The following ITPR3 variants were observed in gnomAD, a reference collection of about 807,000 sequenced individuals.
ITPR3 encodes inositol 1,4,5-trisphosphate receptor type 3, also known as inositol 1,4,5-trisphosphate-gated calcium channel ITPR3.
A neutral mutation model predicts 293.2 loss-of-function variants in ITPR3; 173 were observed. The ratio of observed to expected loss-of-function variants is 0.59; its 90% CI spans 0.52 to 0.67. The LOEUF is 0.67. ITPR3 is among the 30% of genes least tolerant of loss of function. The pLI, the probability that ITPR3 is intolerant of heterozygous loss-of-function variation, is 0.00. For missense variants in ITPR3, 2,796 were observed against 3,592.1 expected, an observed-to-expected ratio of 0.78 and a Z score of 5.66; for synonymous variants, 1,295 against 1,444.4, an observed-to-expected ratio of 0.90 and a Z score of 2.35.
intron 20 of ITPR3, 130 bp from the exon 21 acceptor site, chr6:33,671,035 C>G (rs1764747068): frequency 6.8e-7 from 1 of 1,468,988 alleles, no homozygotes; most frequent in Non-Finnish European, 9.2e-7. Context: ...GCTCCGCTCT[C>G]CCTCCTGGGA....
chr6:33,695,339 C>T (rs376613540), intron 57 of ITPR3: 1 of 566,850 alleles, frequency 1.8e-6, no homozygotes. Flanking sequence ...GTCTCTCATC[C>T]CCTTCCTCTG....
chr6:33,686,066 G>A lies in ITPR3; in HGVS notation c.5681G>A (p.Cys1894Tyr). The change falls in exon 42 of 58, where the codon TGT (cysteine) becomes TAT (tyrosine). Residue 1894 changes from cysteine (C) to tyrosine (Y), a missense_variant. Physicochemically the swap from Cys to Tyr is radical, Grantham distance 194. This residue lies in a region of ITPR3 where 704 missense variants were observed against 797.5 expected (regional missense o/e 0.88). Coordinates refer to ENST00000605930, the MANE Select transcript of ITPR3 (RefSeq NM_002224.4). ...TGTGCCCCGCAGAACTTCCTGCGCTGTCAGAACAACAAAACCAACTACAAC... is the reference window on the plus strand; with the variant it reads ...TGTGCCCCGCAGAACTTCCTGCGCTATCAGAACAACAAAACCAACTACAAC... ...HNRDLQNFLRCQNNKTNYNLV... is the reference protein window; with the variant it reads ...HNRDLQNFLRYQNNKTNYNLV... 1 of 1,614,104 alleles carries A rather than the reference G, an allele frequency of 6.2e-7. No individual in the cohort carries two copies. The highest frequency in any genetic ancestry group is 8.5e-7 in the Non-Finnish European group (1 of 1,180,046).
intron 7 of ITPR3, among the ~76,000 whole-genome samples, chr6:33,660,891 A>T (rs1383484746): frequency 6.6e-6 from 1 of 152,154 alleles, no homozygotes; most frequent in Non-Finnish European, 1.5e-5. Flanking sequence ...ATTGCACCAC[A>T]CTGCACTCCA....
At chr6:33,623,042 A>T (rs1372964106) in intron 1 of ITPR3, among the ~76,000 whole-genome samples, 1 of 152,156 alleles carries the variant, frequency 6.6e-6, no homozygotes, top group Non-Finnish European at 1.5e-5. Flanking sequence ...GGGTGGAGCC[A>T]CATCTGGGCC....
Position 33,690,151 on chromosome 6 carries a change from AC to A in ITPR3, c.6987del (p.Ser2330ValfsTer33). 6.2e-7 allele frequency: 1 copy of A among 1,613,540 alleles called. No individual in the cohort carries two copies. Among genetic ancestry groups the A allele is most frequent in the Non-Finnish European group, 8.5e-7 (1 of 1,179,912 alleles). On this transcript the variant is annotated frameshift_variant, in exon 51 of 58. Coordinates refer to ENST00000605930, the MANE Select transcript of ITPR3 (RefSeq NM_002224.4). LOFTEE classifies it high-confidence loss of function. ...CCTCTACCACGTGGGCTACATCCTG[AC>A]CAGTGTCCTGGGCCTCTTTGCTCAT... The part of the protein sequence containing the change: ...EFLYHVGYIL[T>X]SVLGLFAHEL...
At position 33,638,151 on chromosome 6, in the gene ITPR3, G is replaced by A. The variant is rs553686396; in HGVS notation, c.90-2333G>A. Among the ~76,000 whole-genome samples the A allele has an allele frequency of 2.6e-5, 4 of 152,012 alleles. No individual in the cohort carries two copies. Among genetic ancestry groups the A allele is most frequent in the Non-Finnish European group, 4.4e-5 (3 of 68,008 alleles). On this transcript the variant is annotated intron_variant, in intron 1 of 57. Coordinates refer to ENST00000605930, the MANE Select transcript of ITPR3 (RefSeq NM_002224.4). The surrounding 1 kb of genome is among the most constrained non-coding windows in gnomAD (Gnocchi z 4.3). ...TTCCTGTGTAGCTGGGATTACAGGC[G>A]CGCACCGCCACGCCCAGCTAATTTT...
intron 6 of ITPR3, 78 bp downstream of exon 6, chr6:33,659,197 CA>C: frequency 7.4e-7 from 1 of 1,354,810 alleles, no homozygotes; most frequent in Non-Finnish European, 1.0e-6. Flanking sequence ...CGCTCCCTGC[CA>C]TGGTCTCTGC....
Position 33,672,041 on chromosome 6 carries a change from G to A in ITPR3, c.2741G>A (p.Arg914Gln), listed in dbSNP as rs751348664. 1.4e-5 allele frequency: 22 copies of A among 1,604,488 alleles called. No individual in the cohort carries two copies. Among genetic ancestry groups the A allele is most frequent in the African/African-American group, 4.0e-5 (3 of 74,780 alleles). Reference protein sequence around the residue: ...AYEDPGGKNVRRSIQGVGHMM... With the variant: ...AYEDPGGKNVQRSIQGVGHMM... ...TCCCCCTCCACAGGCAAGAATGTGC[G>A]GCGGTCCATCCAGGGCGTGGGGCAC... is the stretch of plus-strand genomic sequence containing the variant. Residue 914 changes from arginine (R) to glutamine (Q), a missense_variant, in exon 22 of 58, where the codon CGG (arginine) becomes CAG (glutamine). This residue lies in a region of ITPR3 where 955 missense variants were observed against 1,180.8 expected (regional missense o/e 0.81). Transcript: ENST00000605930. The surrounding 1 kb of genome is among the most constrained non-coding windows in gnomAD (Gnocchi z 5.0).
Position 33,675,890 on chromosome 6 carries a change from G to A in ITPR3, c.3282+34G>A, listed in dbSNP as rs369306176. The A allele has an allele frequency of 6.9e-5, 106 of 1,535,718 alleles. No individual in the cohort carries two copies. In the Middle Eastern group the frequency reaches 1.1e-3, roughly 15 times the overall value. On this transcript the variant is annotated intron_variant, in intron 25 of 57. Transcript: ENST00000605930. The surrounding 1 kb of genome is among the most constrained non-coding windows in gnomAD (Gnocchi z 5.0). ...ACTACCTGGCCCTGGCCCTGAGCAT[G>A]AGGCCTGCACCAGGCACGGGGGGAC...
At position 33,633,771 on chromosome 6, in the gene ITPR3, C is replaced by A. The variant is rs573859150; in HGVS notation, c.90-6713C>A. Among the ~76,000 whole-genome samples, 960 of 108,932 alleles carry A rather than the reference C, an allele frequency of 8.8e-3. 4 individuals are homozygous for A. The highest frequency in any genetic ancestry group is 0.028 in the Middle Eastern group (5 of 180). 71.5% of individuals were successfully genotyped at this position (108,932 alleles called of 152,430 possible). ...GCGGGGGCGGGGGCGGGGCCGGGGC[C>A]GGGGCCGGACGCCCGGAGCTCGCGG... On this transcript the variant is annotated intron_variant, in intron 1 of 57. Coordinates refer to ENST00000605930, the MANE Select transcript of ITPR3 (RefSeq NM_002224.4). The surrounding 1 kb of genome is among the most constrained non-coding windows in gnomAD (Gnocchi z 5.2).
intron 31 of ITPR3, 81 bp downstream of exon 31, chr6:33,680,214 A>G: frequency 1.9e-6 from 3 of 1,580,444 alleles, no homozygotes; most frequent in Non-Finnish European, 2.6e-6. Context: ...AGAGTGGGTG[A>G]AGCAAAGCCA....
intron 2 of ITPR3, among the ~76,000 whole-genome samples, chr6:33,647,807 G>A (rs1367483722): frequency 6.6e-6 from 1 of 151,988 alleles, no homozygotes; most frequent in East Asian, 1.9e-4. Context: ...TATTCCTGTT[G>A]GTGCTGCAGC....
intron 33 of ITPR3, among the ~76,000 whole-genome samples, chr6:33,680,994 C>T (rs12664190): frequency 0.29 from 44,096 of 151,588 alleles, 7,667 homozygotes; most frequent in African/African-American, 0.48. Flanking sequence ...CTAATTTTTG[C>T]ATTTTTAGTA....
At position 33,640,488 on chromosome 6, in the gene ITPR3, G is replaced by T. The variant is rs1238662681; in HGVS notation, c.94G>T (p.Val32Leu). Residue 32 changes from valine (V) to leucine (L), a missense_variant, in exon 2 of 58, where the codon GTG (valine) becomes TTG (leucine). Around this residue, in one of 8 missense-constraint regions of ITPR3, gnomAD observed 22 missense variants for 56.5 expected, o/e 0.39. Transcript: ENST00000605930. Reference sequence around the variant, plus strand: ...CCGAGCTGCTTTGTTCCCCAGGCTGGTGGATGACCGCTGTGTGGTGGAGCC... The same window carrying T: ...CCGAGCTGCTTTGTTCCCCAGGCTGTTGGATGACCGCTGTGTGGTGGAGCC... ...VNGFISTLGL[V>L]DDRCVVEPAA... The T allele has an allele frequency of 6.2e-7, 1 of 1,613,344 alleles. No individual in the cohort carries two copies. Among genetic ancestry groups the T allele is most frequent in the Non-Finnish European group, 8.5e-7 (1 of 1,179,696 alleles).
In ITPR3 at chr6:33,688,154, C is replaced by T. The variant is rs750105491; in HGVS notation, c.6362C>T (p.Thr2121Met). ...CCCCTGGCCTACTATGAGAACCACA[C>T]GTCCCAGATCGAGGTGGGCCTGTGG... is the stretch of plus-strand genomic sequence containing the variant. ...EDPLAYYENH[T>M]SQIEIVRQDR... The change falls in exon 47 of 58, where the codon ACG becomes ATG. Residue 2121 changes from threonine to methionine, a missense_variant. Thr to Met is a moderately conservative substitution (Grantham distance 81). This residue lies in a region of ITPR3 where 568 missense variants were observed against 796.1 expected (regional missense o/e 0.71). Transcript: ENST00000605930. 28 of 1,613,922 alleles carry T rather than the reference C, an allele frequency of 1.7e-5. No individual in the cohort carries two copies. The highest frequency in any genetic ancestry group is 1.1e-4 in the African/African-American group (8 of 74,938).
At chr6:33,662,491 G>C (rs538339685) in intron 7 of ITPR3, 37 bp from the exon 8 acceptor site, 3 of 1,544,486 alleles carry the variant, frequency 1.9e-6, no homozygotes, top group African/African-American at 2.7e-5. Flanking sequence ...GCCTGGAGGG[G>C]CCGCAGCCAT....
chr6:33,658,712 C>T lies in ITPR3; in HGVS notation c.412C>T (p.Arg138Trp), dbSNP rs759577490. 2.8e-5 allele frequency: 46 copies of T among 1,614,102 alleles called. No homozygotes were observed. Among genetic ancestry groups the T allele is most frequent in the African/African-American group, 4.0e-5 (3 of 74,944 alleles). Residue 138 changes from arginine to tryptophan, a missense_variant, in exon 5 of 58, where the codon CGG becomes TGG. Arg to Trp is a moderately radical substitution (Grantham distance 101). This residue lies in a region of ITPR3 where 144 missense variants were observed against 230.8 expected (regional missense o/e 0.62). Transcript: ENST00000605930. The surrounding 1 kb of genome is among the most constrained non-coding windows in gnomAD (Gnocchi z 6.1). ...KSNKYLTVNK[R>W]LPALLEKNAM... ...CAACAAGTACCTGACAGTGAACAAG[C>T]GGCTTCCGGCCTTGCTGGAGAAGAA...
chr6:33,654,712 G>A lies in ITPR3; in HGVS notation c.161-1054G>A, dbSNP rs563503599. On this transcript the variant is annotated intron_variant, in intron 2 of 57. Transcript: ENST00000605930. The surrounding 1 kb of genome is among the most constrained non-coding windows in gnomAD (Gnocchi z 4.1). ...CTCCTTTCTGTTCCACACTGCCAGA[G>A]CATTGTACAATCAGGGACTCACACA... Among the ~76,000 whole-genome samples the A allele has an allele frequency of 2.6e-4, 40 of 152,284 alleles. No homozygotes were observed. Among genetic ancestry groups the A allele is most frequent in the African/African-American group, 9.6e-4 (40 of 41,556 alleles).
intron 1 of ITPR3, among the ~76,000 whole-genome samples, chr6:33,635,695 T>C (rs1763805146): frequency 6.6e-6 from 1 of 152,100 alleles, no homozygotes; most frequent in African/African-American, 2.4e-5. Context: ...CCAGTCTCCA[T>C]GGGAACAGGC....
Sources: gnomAD v4.1 joint callset for allele counts (sites outside exome capture counted in the v4.1 genomes callset) on GRCh38, gnomAD v4.1.1 for gene constraint, gnomAD v4.1.1 regional missense constraint, Gnocchi (gnomAD v3.1) non-coding constraint, MANE v1.5 for transcripts, NCBI Gene and HGNC (gene_info 2026-07-23, HGNC 2026-07-21) for gene names.